Variants in AGAP1 observed in about 807,000 individuals in gnomAD.
AGAP1 encodes the protein ArfGAP with GTPase domain, ankyrin repeat and PH domain 1, also known as arf-GAP with GTPase, ANK repeat and PH domain-containing protein 1.
AGAP1 carries 29 observed loss-of-function variants against 105.3 expected under a neutral mutation model. The observed-to-expected ratio is 0.28, with a 90% confidence interval of 0.21 to 0.38. The LOEUF (loss-of-function observed/expected upper bound fraction) is 0.38, where lower values mean the gene tolerates loss of function less well. AGAP1 is among the 10% of genes least tolerant of loss of function. The pLI is 1.00. For missense variants in AGAP1, 998 were observed against 1,165.1 expected, an observed-to-expected ratio of 0.86 and a Z score of 2.09; for synonymous variants, 509 against 485.9, an observed-to-expected ratio of 1.05 and a Z score of -0.63.
At chr2:235,840,898 A>G (rs550060803) in intron 9 of AGAP1, among the ~76,000 whole-genome samples, 1 of 152,188 alleles carries the variant, frequency 6.6e-6, no homozygotes, top group Non-Finnish European at 1.5e-5. Flanking sequence ...GCTAAGGACC[A>G]CTGGTGGTCT....
At chr2:235,512,008 CTG>C (rs201478471) in intron 1 of AGAP1, among the ~76,000 whole-genome samples, 2,558 of 36,408 alleles carry the variant, frequency 0.07, 71 homozygotes, top group African/African-American at 0.16. Flanking sequence ...GCGTGTGTGA[CTG>C]TGTGAATGTG....
intron 10 of AGAP1, among the ~76,000 whole-genome samples, chr2:235,884,450 C>A (rs1359347285): frequency 8.4e-6 from 1 of 119,032 alleles, no homozygotes; most frequent in Non-Finnish European, 1.8e-5. Context: ...TTATTTTTCA[C>A]TGTTTTTTTT....
chr2:235,511,914 ATG>A (rs973022026), intron 1 of AGAP1, among the ~76,000 whole-genome samples: 6 of 144,476 alleles, frequency 4.2e-5, no homozygotes, highest in African/African-American at 7.8e-5. Context: ...GAGTATGTGG[ATG>A]TGTGTGAATG....
intron 1 of AGAP1, among the ~76,000 whole-genome samples, chr2:235,499,001 T>C (rs1028766577): frequency 3.3e-5 from 5 of 152,220 alleles, no homozygotes; most frequent in Non-Finnish European, 7.3e-5. Context: ...ACAGCTGCTC[T>C]GTTGAGCATG....
rs1946484175 is a variant in AGAP1 at position 235,621,629 on chromosome 2, C to T, written c.164-87550C>T. On this transcript the variant is annotated intron_variant, in intron 1 of 17. Transcript: ENST00000304032. The surrounding 1 kb of genome is among the most constrained non-coding windows in gnomAD (Gnocchi z 4.1). ...TAGGGGCTCCTCTGACTCCAGATGTCAGTGACCCTTCTGGTCTCTCCAACA... is the reference window on the plus strand; with the variant it reads ...TAGGGGCTCCTCTGACTCCAGATGTTAGTGACCCTTCTGGTCTCTCCAACA... Among the ~76,000 whole-genome samples, 1 of 152,214 alleles carries T rather than the reference C, an allele frequency of 6.6e-6. No individual in the cohort carries two copies. The highest frequency in any genetic ancestry group is 2.1e-4 in the South Asian group (1 of 4,830).
chr2:235,800,119 T>TC (rs202119756), intron 8 of AGAP1, among the ~76,000 whole-genome samples: 74 of 149,782 alleles, frequency 4.9e-4, no homozygotes, highest in East Asian at 1.2e-3. Flanking sequence ...TTTTTTTTTT[T>TC]CTTTTGAGAC....
chr2:235,935,352 T>C (rs1057372228), intron 12 of AGAP1, among the ~76,000 whole-genome samples: 3 of 152,198 alleles, frequency 2.0e-5, no homozygotes, highest in Non-Finnish European at 4.4e-5. Context: ...CAGAAACATA[T>C]TCATCTTGAG....
At chr2:235,745,406 G>A (rs538858441) in intron 5 of AGAP1, among the ~76,000 whole-genome samples, 5 of 152,230 alleles carry the variant, frequency 3.3e-5, no homozygotes, top group African/African-American at 1.2e-4. Flanking sequence ...CTTCGAACTT[G>A]GTCTCTTAGT....
rs2058744740 is a variant in AGAP1, at chr2:236,080,184, C to G, written c.2114+30903C>G. On this transcript the variant is annotated intron_variant, in intron 16 of 17. Transcript: ENST00000304032. The surrounding 1 kb of genome is among the most constrained non-coding windows in gnomAD (Gnocchi z 4.2). ...GTGCTCTGGAGGGAGATGCTATCTC[C>G]ATCATCCAAGGCTGTTTCCTGTGCA... is the stretch of plus-strand genomic sequence containing the variant. Among the ~76,000 whole-genome samples, 1 of 152,216 alleles carries G rather than the reference C, an allele frequency of 6.6e-6. No individual in the cohort carries two copies. Among genetic ancestry groups the G allele is most frequent in the Non-Finnish European group, 1.5e-5 (1 of 68,044 alleles).
At position 236,073,799 on chromosome 2, in the gene AGAP1, G is replaced by A. The variant is rs1057344532; in HGVS notation, c.2114+24518G>A. Among the ~76,000 whole-genome samples, 4 of 152,048 alleles carry A rather than the reference G, an allele frequency of 2.6e-5. No homozygotes were observed. The highest frequency in any genetic ancestry group is 3.9e-4 in the East Asian group (2 of 5,174). ...GCTGCAAACATGGCTTTACCCCACC[G>A]TCTCCCGTGGCCTTCTCAACACACT... On this transcript the variant is annotated intron_variant, in intron 16 of 17. Coordinates refer to ENST00000304032, the MANE Select transcript of AGAP1 (RefSeq NM_001037131.3). This position sits in a 1 kb window ranked among gnomAD's most constrained non-coding sequence, Gnocchi z 5.4.
chr2:235,527,980 G>A (rs1168707365), intron 1 of AGAP1, among the ~76,000 whole-genome samples: 1 of 152,098 alleles, frequency 6.6e-6, no homozygotes, highest in Non-Finnish European at 1.5e-5. Context: ...GTCATAACTA[G>A]CCACACTTCT....
At position 235,621,075 on chromosome 2, in the gene AGAP1, A is replaced by G. The variant is rs1215652797; in HGVS notation, c.164-88104A>G. The stretch of plus-strand genomic sequence containing the variant: ...TCGCTCTTGTCTCCCAGGCTGGAGT[A>G]CAATGGCACAATCTTGGCTCACTGC... On this transcript the variant is annotated intron_variant, in intron 1 of 17. Coordinates refer to ENST00000304032, the MANE Select transcript of AGAP1 (RefSeq NM_001037131.3). This position sits in a 1 kb window ranked among gnomAD's most constrained non-coding sequence, Gnocchi z 4.1. Among the ~76,000 whole-genome samples the G allele has an allele frequency of 6.6e-6, 1 of 152,120 alleles. No homozygotes were observed. The highest frequency in any genetic ancestry group is 1.5e-5 in the Non-Finnish European group (1 of 68,030).
At chr2:235,972,018 A>G (rs895104173) in intron 13 of AGAP1, among the ~76,000 whole-genome samples, 4 of 151,994 alleles carry the variant, frequency 2.6e-5, no homozygotes, top group African/African-American at 9.7e-5. Flanking sequence ...GGCTCAAGCA[A>G]TCCTCCCACC....
intron 10 of AGAP1, among the ~76,000 whole-genome samples, chr2:235,907,808 C>T (rs2051380066): frequency 6.6e-6 from 1 of 151,982 alleles, no homozygotes; most frequent in Admixed American, 6.6e-5. Flanking sequence ...AATGTAAATG[C>T]AATATTTTCT....
intron 11 of AGAP1, among the ~76,000 whole-genome samples, chr2:235,921,784 G>A (rs1344589555): frequency 6.6e-6 from 1 of 152,198 alleles, no homozygotes; most frequent in African/African-American, 2.4e-5. Flanking sequence ...ATCACAGGAT[G>A]CAGAGTCCCG....
chr2:235,543,127 G>A (rs1228518777), intron 1 of AGAP1, among the ~76,000 whole-genome samples: 4 of 113,576 alleles, frequency 3.5e-5, no homozygotes, highest in African/African-American at 1.2e-4. Flanking sequence ...CCCCTCGTTG[G>A]GTGTTGGGTG....
In AGAP1 at chr2:235,979,560, C is replaced by G. The variant is rs2055002623; in HGVS notation, c.1645+10937C>G. Among the ~76,000 whole-genome samples the G allele has an allele frequency of 6.6e-6, 1 of 152,320 alleles. No homozygotes were observed. Among genetic ancestry groups the G allele is most frequent in the East Asian group, 1.9e-4 (1 of 5,170 alleles). On this transcript the variant is annotated intron_variant, in intron 13 of 17. Transcript: ENST00000304032. This position sits in a 1 kb window ranked among gnomAD's most constrained non-coding sequence, Gnocchi z 4.5. Reference sequence around the variant, plus strand: ...CCACCCCTTTCTCATCTCAGACATACCATAGGCACCAAGGTGTGGAGCCAG... The same window carrying G: ...CCACCCCTTTCTCATCTCAGACATAGCATAGGCACCAAGGTGTGGAGCCAG...
Position 235,614,285 on chromosome 2 carries a change from G to A in AGAP1, c.164-94894G>A, listed in dbSNP as rs1559290165. 6.6e-6 allele frequency among the ~76,000 whole-genome samples: 1 copy of A among 152,136 alleles called. No individual in the cohort carries two copies. The highest frequency in any genetic ancestry group is 1.5e-5 in the Non-Finnish European group (1 of 68,034). On this transcript the variant is annotated intron_variant, in intron 1 of 17. Coordinates refer to ENST00000304032, the MANE Select transcript of AGAP1 (RefSeq NM_001037131.3). The surrounding 1 kb of genome is among the most constrained non-coding windows in gnomAD (Gnocchi z 4.7). ...GTCACTTAAAGCGGGGAGGTGGCTGGTGCTGGAGCGTGTATAACAAAAGTG... is the reference window on the plus strand; with the variant it reads ...GTCACTTAAAGCGGGGAGGTGGCTGATGCTGGAGCGTGTATAACAAAAGTG...
intron 1 of AGAP1, among the ~76,000 whole-genome samples, chr2:235,570,864 A>G (rs546265246): frequency 2.1e-3 from 316 of 152,346 alleles, no homozygotes; most frequent in African/African-American, 7.0e-3. Context: ...GAGGAATCTC[A>G]GGTATCTGCA....
Sources: gnomAD v4.1 joint callset for allele counts (sites outside exome capture counted in the v4.1 genomes callset) on GRCh38, gnomAD v4.1.1 for gene constraint, Gnocchi (gnomAD v3.1) non-coding constraint, MANE v1.5 for transcripts, NCBI Gene and HGNC (gene_info 2026-07-23, HGNC 2026-07-21) for gene names.